PIK3C2G: variants seen among roughly 807,000 people sequenced by gnomAD.
PIK3C2G encodes phosphatidylinositol-4-phosphate 3-kinase catalytic subunit type 2 gamma, also known as phosphatidylinositol 3-kinase C2 domain-containing subunit gamma.
In PIK3C2G, 168 loss-of-function variants were observed where a neutral mutation model predicts 181.1. The ratio of observed to expected loss-of-function variants is 0.93; its 90% CI spans 0.82 to 1.05. PIK3C2G has a LOEUF of 1.05. PIK3C2G is among the 50% of genes least tolerant of loss of function. The pLI is 0.00. For missense variants in PIK3C2G, 1,869 were observed against 1,732.8 expected (o/e 1.08, Z -1.40); for synonymous variants, 573 against 592.2 (o/e 0.97, Z 0.47).
At chr12:18,253,533 T>C (rs1455003245) in intron 1 of PIK3C2G, among the ~76,000 whole-genome samples, 2 of 152,146 alleles carry the variant, frequency 1.3e-5, no homozygotes, top group African/African-American at 4.8e-5. Flanking sequence ...TACCTCAAGA[T>C]TTGTTTAGAT....
At chr12:18,528,239 T>C (rs1332495665) in intron 24 of PIK3C2G, among the ~76,000 whole-genome samples, 1 of 152,302 alleles carries the variant, frequency 6.6e-6, no homozygotes, top group East Asian at 1.9e-4. Flanking sequence ...AAATGTGCTC[T>C]CTGAAATGTA....
chr12:18,693,531 G>A, the PIK3C2G span: 1 of 1,611,554 alleles, frequency 6.2e-7, no homozygotes, highest in Non-Finnish European at 8.5e-7. Context: ...AGAGTGGTTG[G>A]CTCTGAACTT....
At chr12:18,666,528 C>G in the PIK3C2G span, among the ~76,000 whole-genome samples, 6 of 151,928 alleles carry the variant, frequency 3.9e-5, no homozygotes, top group Admixed American at 6.6e-5. Flanking sequence ...GAAGATAAAA[C>G]AATTATAAAT....
chr12:18,541,398 G>A (rs554123829), intron 25 of PIK3C2G, among the ~76,000 whole-genome samples: 6 of 151,930 alleles, frequency 3.9e-5, no homozygotes, highest in South Asian at 2.1e-4. Flanking sequence ...CTGAGTTCCC[G>A]AAAATAAAAG....
At chr12:18,534,542 G>T (rs1231420570) in intron 24 of PIK3C2G, among the ~76,000 whole-genome samples, 1 of 152,012 alleles carries the variant, frequency 6.6e-6, no homozygotes, top group Non-Finnish European at 1.5e-5. Context: ...ATTGTTACAA[G>T]CTCTTCACTA....
intron 31 of PIK3C2G, among the ~76,000 whole-genome samples, chr12:18,632,020 T>C (rs1949371518): frequency 6.6e-6 from 1 of 152,022 alleles, no homozygotes; most frequent in Admixed American, 6.6e-5. Flanking sequence ...TTTGAATACA[T>C]TTTCAGTTGT....
intron 15 of PIK3C2G, among the ~76,000 whole-genome samples, chr12:18,393,822 C>T (rs956173607): frequency 1.1e-4 from 17 of 151,964 alleles, no homozygotes; most frequent in African/African-American, 2.7e-4. Context: ...ACATGACTTG[C>T]GAAGGTAGAA....
chr12:18,284,088 T>C lies in PIK3C2G; in HGVS notation c.678+1329T>C, dbSNP rs1245096167. ...CTATGAAATGGGTATGGGTCAGAAG[T>C]AGAGAGAGGACTTACGGCTTGGCCA... On this transcript the variant is annotated intron_variant, in intron 2 of 32. Coordinates refer to ENST00000538779, the MANE Select transcript of PIK3C2G (RefSeq NM_001288772.2). Among the ~76,000 whole-genome samples the C allele has an allele frequency of 5.3e-5, 8 of 151,888 alleles. No individual in the cohort carries two copies. The South Asian group carries it at 1.0e-3, about 20-fold the overall frequency.
intron 1 of PIK3C2G, among the ~76,000 whole-genome samples, chr12:18,254,584 C>T (rs1386984770): frequency 2.6e-5 from 4 of 151,970 alleles, no homozygotes; most frequent in Non-Finnish European, 4.4e-5. Flanking sequence ...GTAGCTCACA[C>T]CTGTAATCCG....
chr12:18,676,939 A>C, the PIK3C2G span, among the ~76,000 whole-genome samples: 1 of 152,146 alleles, frequency 6.6e-6, no homozygotes, highest in Non-Finnish European at 1.5e-5. Flanking sequence ...TGTAAAAGCA[A>C]AACTGTTTTT....
intron 24 of PIK3C2G, among the ~76,000 whole-genome samples, chr12:18,525,589 C>T (rs1368470464): frequency 1.3e-5 from 2 of 152,156 alleles, no homozygotes; most frequent in Non-Finnish European, 2.9e-5. Context: ...CTGGCCCATA[C>T]TGTTTTGCGA....
chr12:18,565,638 A>T (rs1945590353), intron 28 of PIK3C2G, among the ~76,000 whole-genome samples: 2 of 152,228 alleles, frequency 1.3e-5, no homozygotes, highest in South Asian at 4.1e-4. Context: ...GTCATTAAAA[A>T]GTAATTTTCA....
chr12:18,346,590 T>G, intron 10 of PIK3C2G, 51 bp from the exon 11 acceptor site: 1 of 1,038,492 alleles, frequency 9.6e-7, no homozygotes, highest in Non-Finnish European at 1.4e-6. Context: ...TGATGGCCTA[T>G]GATAAATATG....
intron 18 of PIK3C2G, among the ~76,000 whole-genome samples, chr12:18,483,473 C>T (rs1473363518): frequency 1.3e-5 from 2 of 151,942 alleles, no homozygotes; most frequent in Non-Finnish European, 2.9e-5. Context: ...ATATACATGT[C>T]CAAGTAAGCT....
At chr12:18,303,138 C>CTTTCTTTCTTTCTTTCTTTCTTTCTTTCT (rs1422309361) in intron 5 of PIK3C2G, among the ~76,000 whole-genome samples, 3 of 131,136 alleles carry the variant, frequency 2.3e-5, no homozygotes, top group African/African-American at 8.7e-5. Context: ...TTCTTTCTTT[C>CTTTCTTTCTTTCTTTCTTTCTTTCTTTCT]TTTTCTTTTC....
Position 18,564,168 on chromosome 12 carries a change from TA to T in PIK3C2G, c.3902+672del, listed in dbSNP as rs1945494552. Among the ~76,000 whole-genome samples, 4 of 152,098 alleles carry T rather than the reference TA, an allele frequency of 2.6e-5. No individual in the cohort carries two copies. In the South Asian group the frequency reaches 8.3e-4, roughly 32 times the overall value. ...TGTTGTAATGGAAAAATGTTAAACA[TA>T]AGCAAACTAAAAATATCATTAAAAT... On this transcript the variant is annotated intron_variant, in intron 28 of 32. Transcript: ENST00000538779.
chr12:18,515,101 G>A (rs1942449450), intron 24 of PIK3C2G, among the ~76,000 whole-genome samples: 1 of 151,938 alleles, frequency 6.6e-6, no homozygotes, highest in African/African-American at 2.4e-5. Flanking sequence ...TGATCATGGT[G>A]ACTGATCTTT....
At position 18,648,331 on chromosome 12, in the gene PIK3C2G, TTTAA is replaced by T. The variant is rs2136868063; in HGVS notation, c.*306_*309del. 4.3e-6 allele frequency: 1 copy of T among 231,812 alleles called. No homozygotes were observed. The highest frequency in any genetic ancestry group is 8.5e-6 in the Non-Finnish European group (1 of 117,506). The allele number at this position is 231,812 out of a possible 1,614,324, so 14.4% of individuals were successfully genotyped here. On this transcript the variant is annotated 3_prime_UTR_variant, in exon 33 of 33. Coordinates refer to ENST00000538779, the MANE Select transcript of PIK3C2G (RefSeq NM_001288772.2). The stretch of plus-strand genomic sequence containing the variant: ...AAATTAAACATAGGTTTACATTTGT[TTTAA>T]TTGTGTGCCTACAGTTAAAAGCAGT...
At chr12:18,450,656 G>A (rs560119011) in intron 18 of PIK3C2G, among the ~76,000 whole-genome samples, 3 of 152,020 alleles carry the variant, frequency 2.0e-5, no homozygotes, top group Non-Finnish European at 2.9e-5. Flanking sequence ...GTCTTTGCTC[G>A]TGCCTATGTT....
Sources: allele counts gnomAD v4.1 joint callset (sites outside exome capture counted in the v4.1 genomes callset), GRCh38; gene constraint gnomAD v4.1.1; transcripts MANE v1.5; gene names NCBI Gene and HGNC (gene_info 2026-07-23, HGNC 2026-07-21).